The following ERAP1 variants were observed in gnomAD, a reference collection of about 807,000 sequenced individuals.
The protein encoded by ERAP1 is endoplasmic reticulum aminopeptidase 1.
ERAP1 carries 86 observed loss-of-function variants against 103.7 expected under a neutral mutation model. The observed-to-expected ratio is 0.83, with a 90% confidence interval of 0.70 to 0.99. ERAP1 has a LOEUF of 0.99. Among genes scored for constraint, ERAP1 ranks in the 50% least tolerant of loss-of-function variants. The pLI is 0.00. For synonymous variants in ERAP1, 398 were observed against 402.4 expected (o/e 0.99, Z 0.13); for missense variants, 1,009 against 1,128.4 (o/e 0.89, Z 1.52).
At chr5:96,884,115 C>T in the ERAP1 span, among the ~76,000 whole-genome samples, 3 of 150,620 alleles carry the variant, frequency 2.0e-5, no homozygotes, top group African/African-American at 7.4e-5. Context: ...ACGTTAACAT[C>T]ATTCTGTTTG....
chr5:96,793,631 A>G, intron 6 of ERAP1, 118 bp from the exon 7 acceptor site: 1 of 1,099,830 alleles, frequency 9.1e-7, no homozygotes, highest in Non-Finnish European at 1.3e-6. Flanking sequence ...AATCAAGGTA[A>G]AAATAAAAAA....
the ERAP1 span, among the ~76,000 whole-genome samples, chr5:96,869,560 C>A: frequency 2.0e-5 from 3 of 152,172 alleles, no homozygotes; most frequent in Admixed American, 1.3e-4. Context: ...GTAGAAGGAG[C>A]AATCTGTCTG....
chr5:96,858,604 TG>T, the ERAP1 span, among the ~76,000 whole-genome samples: 1 of 152,212 alleles, frequency 6.6e-6, no homozygotes, highest in Non-Finnish European at 1.5e-5. Context: ...GAATACTGAA[TG>T]TGTCTAAGAT....
At chr5:96,848,847 A>G in the ERAP1 span, 1 of 151,848 alleles carries the variant, frequency 6.6e-6, no homozygotes, top group Non-Finnish European at 1.5e-5. Flanking sequence ...AAAAGCTACA[A>G]ATATTTTTAA....
chr5:96,879,773 C>T, the ERAP1 span: 3 of 1,614,188 alleles, frequency 1.9e-6, no homozygotes, highest in Admixed American at 1.7e-5. Context: ...AGCCATCTTG[C>T]CCCAAATATG....
At chr5:96,895,676 A>C in the ERAP1 span, among the ~76,000 whole-genome samples, 1 of 152,214 alleles carries the variant, frequency 6.6e-6, no homozygotes, top group African/African-American at 2.4e-5. Flanking sequence ...GCTCATGGCT[A>C]CTAGGTACTA....
At chr5:96,886,484 T>C in the ERAP1 span, among the ~76,000 whole-genome samples, 1 of 152,138 alleles carries the variant, frequency 6.6e-6, no homozygotes, top group African/African-American at 2.4e-5. Flanking sequence ...GTAAAAGCAA[T>C]GGAGGTAAGA....
At chr5:96,895,938 CTCT>C in the ERAP1 span, among the ~76,000 whole-genome samples, 616 of 152,232 alleles carry the variant, frequency 4.0e-3, 5 homozygotes, top group African/African-American at 0.014. Flanking sequence ...CAAAGTTAGG[CTCT>C]TCTTGTTACT....
the ERAP1 span, among the ~76,000 whole-genome samples, chr5:96,931,520 G>C: frequency 6.6e-6 from 1 of 152,182 alleles, no homozygotes; most frequent in African/African-American, 2.4e-5. Context: ...TGAGGTAGTA[G>C]TGTAGGTTTT....
At chr5:96,838,001 CCTCTTCTT>C in the ERAP1 span, among the ~76,000 whole-genome samples, 1 of 151,856 alleles carries the variant, frequency 6.6e-6, no homozygotes, top group Non-Finnish European at 1.5e-5. Flanking sequence ...CTCCTCTTCT[CCTCTTCTT>C]CTCTCTCTGC....
chr5:96,886,201 A>C, the ERAP1 span, among the ~76,000 whole-genome samples: 2 of 152,168 alleles, frequency 1.3e-5, no homozygotes, highest in African/African-American at 4.8e-5. Context: ...GGATTAAAAG[A>C]TAATGTGCAG....
At chr5:96,869,865 G>C in the ERAP1 span, among the ~76,000 whole-genome samples, 1 of 152,218 alleles carries the variant, frequency 6.6e-6, no homozygotes, top group South Asian at 2.1e-4. Context: ...GGACAGGGAT[G>C]GGGGAGGGTG....
chr5:96,924,363 G>A, the ERAP1 span, among the ~76,000 whole-genome samples: 1 of 152,192 alleles, frequency 6.6e-6, no homozygotes, highest in Non-Finnish European at 1.5e-5. Context: ...TGAATCAGCT[G>A]AGAGTCAGCC....
At chr5:96,882,371 T>C in the ERAP1 span, among the ~76,000 whole-genome samples, 2 of 152,204 alleles carry the variant, frequency 1.3e-5, no homozygotes, top group Non-Finnish European at 1.5e-5. Context: ...CTCCCGTGAT[T>C]AATTGCAGGC....
chr5:96,801,111 C>T, intron 2 of ERAP1, 111 bp from the exon 3 acceptor site: 1 of 1,244,914 alleles, frequency 8.0e-7, no homozygotes, highest in African/African-American at 1.5e-5. Flanking sequence ...GATTTTGCTA[C>T]TAAAAAATAT....
chr5:96,873,393 G>A, the ERAP1 span: 16 of 456,088 alleles, frequency 3.5e-5, no homozygotes, highest in East Asian at 6.9e-5. Flanking sequence ...GGAAGAAAAC[G>A]AAACACAAAC....
At chr5:96,771,783 C>T (rs1772449797), downstream of ERAP1, 2 of 814,732 alleles carry the variant, frequency 2.5e-6, no homozygotes, top group African/African-American at 3.4e-5. Flanking sequence ...AAGTGAAGTC[C>T]ACCTCTTGAG....
the ERAP1 span, among the ~76,000 whole-genome samples, chr5:96,833,807 G>GAA: frequency 2.3e-4 from 33 of 144,328 alleles, no homozygotes; most frequent in African/African-American, 8.0e-4. Flanking sequence ...AAAAAAAAAA[G>GAA]AAAAGAAAAA....
chr5:96,812,786 A>T (rs1308962585), upstream of ERAP1, among the ~76,000 whole-genome samples: 1 of 152,252 alleles, frequency 6.6e-6, no homozygotes, highest in African/African-American at 2.4e-5. Context: ...AGTATATACA[A>T]TTGGGGCCTG....
Sources: gnomAD v4.1 joint callset for allele counts (sites outside exome capture counted in the v4.1 genomes callset) on GRCh38, gnomAD v4.1.1 for gene constraint, MANE v1.5 for transcripts, NCBI Gene and HGNC (gene_info 2026-07-23, HGNC 2026-07-21) for gene names.